GLRA3: variants seen among roughly 807,000 people sequenced by gnomAD.
The protein encoded by GLRA3 is glycine receptor subunit alpha-3.
A neutral mutation model predicts 60.4 loss-of-function variants in GLRA3; 44 were observed. The ratio of observed to expected loss-of-function variants is 0.73; its 90% CI spans 0.57 to 0.94. GLRA3 has a LOEUF of 0.94. Among genes scored for constraint, GLRA3 ranks in the 40% least tolerant of loss-of-function variants. The pLI is 0.00. For synonymous variants in GLRA3, 223 were observed against 192.9 expected (o/e 1.16, Z -1.29); for missense variants, 508 against 564.6 (o/e 0.90, Z 1.02).
intron 2 of GLRA3, among the ~76,000 whole-genome samples, chr4:174,775,094 T>C (rs1738546082): frequency 6.6e-6 from 1 of 152,182 alleles, no homozygotes; most frequent in South Asian, 2.1e-4. Context: ...TCTAACCCCA[T>C]CAACATTTCA....
chr4:174,819,666 A>G (rs1740657008), intron 1 of GLRA3, among the ~76,000 whole-genome samples: 1 of 152,184 alleles, frequency 6.6e-6, no homozygotes, highest in African/African-American at 2.4e-5. Context: ...TTTTCAGCAA[A>G]GAATCATCAC....
At chr4:174,726,962 A>G (rs1372110379) in intron 4 of GLRA3, among the ~76,000 whole-genome samples, 2 of 152,158 alleles carry the variant, frequency 1.3e-5, no homozygotes, top group Non-Finnish European at 2.9e-5. Context: ...AGGGCTTATT[A>G]GTGGTGGAAC....
chr4:174,683,130 C>T (rs528534044), intron 5 of GLRA3, among the ~76,000 whole-genome samples, 191 bp from the exon 6 acceptor site: 82 of 152,184 alleles, frequency 5.4e-4, no homozygotes, highest in Middle Eastern at 3.4e-3. Flanking sequence ...CGTGGAACTC[C>T]CACCAAATAA....
At chr4:174,767,086 A>T in intron 2 of GLRA3, 56 bp from the exon 3 acceptor site, 2 of 868,440 alleles carry the variant, frequency 2.3e-6, no homozygotes, top group Non-Finnish European at 2.0e-6. Context: ...AAACATTTTC[A>T]AATAATTCCT....
intron 2 of GLRA3, among the ~76,000 whole-genome samples, chr4:174,776,565 C>T (rs531944871): frequency 8.6e-5 from 13 of 151,962 alleles, no homozygotes; most frequent in African/African-American, 3.1e-4. Flanking sequence ...AAAGGAATCT[C>T]GTAATGCCTG....
intron 3 of GLRA3, 101 bp from the exon 4 acceptor site, chr4:174,728,799 G>A (rs1416099142): frequency 3.0e-6 from 2 of 675,056 alleles, no homozygotes; most frequent in Non-Finnish European, 5.0e-6. Flanking sequence ...ATCAACTGTA[G>A]AAAATATACC....
intron 1 of GLRA3, among the ~76,000 whole-genome samples, chr4:174,795,015 T>A (rs1325385384): frequency 6.6e-6 from 1 of 151,046 alleles, no homozygotes; most frequent in African/African-American, 2.4e-5. Flanking sequence ...GAGAAAAAAG[T>A]TAGAAATAAA....
chr4:174,771,241 A>G (rs1738374319), intron 2 of GLRA3, among the ~76,000 whole-genome samples: 1 of 152,076 alleles, frequency 6.6e-6, no homozygotes, highest in Admixed American at 6.6e-5. Context: ...ATAATGATAA[A>G]ATAAAAAAAT....
intron 1 of GLRA3, among the ~76,000 whole-genome samples, chr4:174,816,948 CT>C (rs1375319840): frequency 6.6e-6 from 1 of 152,088 alleles, no homozygotes; most frequent in Non-Finnish European, 1.5e-5. Flanking sequence ...GTATCCACCC[CT>C]CAACTATTTC....
rs1732607790 is a variant in GLRA3 at position 174,640,847 on chromosome 4, G to A, written c.*2939C>T. 1 of 152,004 alleles carries A rather than the reference G, an allele frequency of 6.6e-6. No homozygotes were observed. Among genetic ancestry groups the A allele is most frequent in the Admixed American group, 6.6e-5 (1 of 15,238 alleles). 9.4% of individuals were successfully genotyped at this position (152,004 alleles called of 1,614,324 possible). Reference sequence around the variant, plus strand: ...GCAGTCCGGATGATTCCCTAATATAGCCACTGAGAGTTGGATGGGGTCTCC... The same window carrying A: ...GCAGTCCGGATGATTCCCTAATATAACCACTGAGAGTTGGATGGGGTCTCC... On this transcript the variant is annotated 3_prime_UTR_variant, in exon 10 of 10. Coordinates refer to ENST00000274093, the MANE Select transcript of GLRA3 (RefSeq NM_006529.4).
chr4:174,695,115 C>T (rs184439109), intron 5 of GLRA3, among the ~76,000 whole-genome samples: 3 of 151,852 alleles, frequency 2.0e-5, no homozygotes, highest in Admixed American at 6.6e-5. Flanking sequence ...TGCCTGGGAG[C>T]TGAAAGATTC....
At chr4:174,706,195 A>C (rs1300648338) in intron 5 of GLRA3, among the ~76,000 whole-genome samples, 1 of 151,618 alleles carries the variant, frequency 6.6e-6, no homozygotes, top group Non-Finnish European at 1.5e-5. Context: ...ACGCCACTGC[A>C]CTCCAGCCTG....
At chr4:174,678,055 AC>A (rs1734197614) in intron 6 of GLRA3, among the ~76,000 whole-genome samples, 1 of 152,226 alleles carries the variant, frequency 6.6e-6, no homozygotes, top group African/African-American at 2.4e-5. Context: ...ACACAATTGA[AC>A]ACGAATTATT....
At chr4:174,677,034 T>C in intron 7 of GLRA3, 44 bp downstream of exon 7, 1 of 1,164,490 alleles carries the variant, frequency 8.6e-7, no homozygotes, top group Non-Finnish European at 1.3e-6. Context: ...GCAAGATTTA[T>C]AAGTGTGTGT....
chr4:174,823,520 GTC>G lies in GLRA3; in HGVS notation c.71+5219_71+5220del, dbSNP rs1341395311. ...AGCCTGGGCAACAGAGCGAGACTCTGTCTCAAAAAAAGAAAAAAAAAGAATTT... is the reference window on the plus strand; with the variant it reads ...AGCCTGGGCAACAGAGCGAGACTCTGTCAAAAAAAGAAAAAAAAAGAATTT... On this transcript the variant is annotated intron_variant, in intron 1 of 9. Transcript: ENST00000274093. 2.8e-3 allele frequency among the ~76,000 whole-genome samples: 420 copies of G among 151,768 alleles called. 2 individuals carry two copies. Among genetic ancestry groups the G allele is most frequent in the African/African-American group, 9.8e-3 (407 of 41,416 alleles).
chr4:174,648,272 C>G (rs1732903054), intron 9 of GLRA3, among the ~76,000 whole-genome samples: 2 of 152,066 alleles, frequency 1.3e-5, no homozygotes, highest in African/African-American at 2.4e-5. Context: ...ACCAGCCTGG[C>G]CAAGATGGCG....
intron 5 of GLRA3, among the ~76,000 whole-genome samples, chr4:174,683,427 C>T (rs943547384): frequency 8.6e-5 from 13 of 151,984 alleles, no homozygotes; most frequent in African/African-American, 3.1e-4. Flanking sequence ...CTCAGCTCAC[C>T]GCAACCTCAG....
chr4:174,829,166 A>G lies in GLRA3; in HGVS notation c.-355T>C. On this transcript the variant is annotated 5_prime_UTR_variant, in exon 1 of 10. Coordinates refer to ENST00000274093, the MANE Select transcript of GLRA3 (RefSeq NM_006529.4). The stretch of plus-strand genomic sequence containing the variant: ...ACTGAGACCCAGGATTGGAGGAAGA[A>G]GAGCAGCAACAGCCGGAAAGAGGAC... 1 of 180,108 alleles carries G rather than the reference A, an allele frequency of 5.6e-6. No homozygotes were observed. Among genetic ancestry groups the G allele is most frequent in the Non-Finnish European group, 1.2e-5 (1 of 85,414 alleles). The allele number at this position is 180,108 out of a possible 1,614,324, so 11.2% of individuals were successfully genotyped here.
chr4:174,798,720 G>A (rs569436687), intron 1 of GLRA3, among the ~76,000 whole-genome samples: 6 of 152,060 alleles, frequency 3.9e-5, no homozygotes, highest in South Asian at 2.1e-4. Context: ...GTCAGTAGAC[G>A]GAGACCATCC....
Sources: gnomAD v4.1 joint callset for allele counts (sites outside exome capture counted in the v4.1 genomes callset) on GRCh38, gnomAD v4.1.1 for gene constraint, MANE v1.5 for transcripts, NCBI Gene and HGNC (gene_info 2026-07-23, HGNC 2026-07-21) for gene names.